Variants in PRELID2 observed in about 807,000 individuals in gnomAD.
The protein encoded by PRELID2 is PRELI domain containing 2.
PRELID2 carries 25 observed loss-of-function variants against 28.4 expected under a neutral mutation model. The ratio of observed to expected loss-of-function variants is 0.88; its 90% CI spans 0.64 to 1.23. The LOEUF (loss-of-function observed/expected upper bound fraction) is 1.23. Among genes scored for constraint, PRELID2 ranks in the 50% most tolerant of loss-of-function variants. PRELID2 has a pLI of 0.00. For synonymous variants in PRELID2, 76 were observed against 71.6 expected (o/e 1.06, Z -0.31); for missense variants, 201 against 214.4 (o/e 0.94, Z 0.39).
At chr5:145,640,909 A>G (rs1464592096) in intron 1 of PRELID2, among the ~76,000 whole-genome samples, 1 of 152,204 alleles carries the variant, frequency 6.6e-6, no homozygotes, top group East Asian at 1.9e-4. Context: ...CAAGGGAGGA[A>G]GAAGGCCTGC....
the PRELID2 span, among the ~76,000 whole-genome samples, chr5:145,455,585 G>A: frequency 1.3e-5 from 2 of 152,186 alleles, no homozygotes; most frequent in East Asian, 1.9e-4. Context: ...AGCATGAAAT[G>A]TTTCTCCATT....
At chr5:145,557,773 G>A (rs945035143) in intron 1 of PRELID2, among the ~76,000 whole-genome samples, 5 of 152,166 alleles carry the variant, frequency 3.3e-5, no homozygotes, top group African/African-American at 1.2e-4. Flanking sequence ...GAAAACTGAG[G>A]CCTGCCCAAG....
At chr5:145,727,590 T>C (rs1315471957) in intron 1 of PRELID2, among the ~76,000 whole-genome samples, 1 of 152,214 alleles carries the variant, frequency 6.6e-6, no homozygotes, top group Non-Finnish European at 1.5e-5. Flanking sequence ...TCTTCAGAGG[T>C]GGCTTCTGCA....
the PRELID2 span, among the ~76,000 whole-genome samples, chr5:145,262,906 T>A: frequency 6.6e-6 from 1 of 152,216 alleles, no homozygotes; most frequent in East Asian, 1.9e-4. Context: ...GCATAATGCA[T>A]AAAAACCACT....
chr5:145,280,596 A>G, the PRELID2 span, among the ~76,000 whole-genome samples: 1 of 152,072 alleles, frequency 6.6e-6, no homozygotes, highest in East Asian at 1.9e-4. Context: ...GCACATGTAT[A>G]CACATGTAAC....
At chr5:145,760,714 C>T (rs2149762741) in intron 6 of PRELID2, among the ~76,000 whole-genome samples, 189 bp from the exon 7 acceptor site, 1 of 152,230 alleles carries the variant, frequency 6.6e-6, no homozygotes, top group South Asian at 2.1e-4. Context: ...TTATTAAGTC[C>T]AACTACCCAA....
At chr5:145,705,096 C>T (rs1047565178) in intron 1 of PRELID2, among the ~76,000 whole-genome samples, 2 of 152,094 alleles carry the variant, frequency 1.3e-5, no homozygotes, top group Admixed American at 1.3e-4. Flanking sequence ...GTCTAACTCA[C>T]TCGGAGGGTC....
At position 145,689,950 on chromosome 5, in the gene PRELID2, C is replaced by T. The variant is rs147272369; in HGVS notation, n.70+74981G>A. 1.2e-4 allele frequency among the ~76,000 whole-genome samples: 18 copies of T among 151,462 alleles called. No homozygotes were observed. The East Asian group carries it at 3.1e-3, about 26-fold the overall frequency. On this transcript the variant is annotated intron_variant and non_coding_transcript_variant, in intron 1 of 2. Transcript: ENST00000510259. ...GGTAATCCTGGAATACTTTTAAGTG[C>T]CGTTCACCTTACTTCCAGTTTCCTT... is the stretch of plus-strand genomic sequence containing the variant.
the PRELID2 span, among the ~76,000 whole-genome samples, chr5:145,418,379 A>G: frequency 6.6e-6 from 1 of 151,462 alleles, no homozygotes; most frequent in Non-Finnish European, 1.5e-5. Flanking sequence ...ACAGAATTAG[A>G]AAAAAAACTA....
chr5:145,467,790 G>A (rs1006714729), downstream of PRELID2, among the ~76,000 whole-genome samples: 1 of 151,384 alleles, frequency 6.6e-6, no homozygotes, highest in South Asian at 2.1e-4. Flanking sequence ...CTTACAGGTG[G>A]TATCAAACTA....
intron 1 of PRELID2, among the ~76,000 whole-genome samples, chr5:145,516,839 C>A (rs888821815): frequency 2.0e-5 from 3 of 152,150 alleles, no homozygotes; most frequent in African/African-American, 7.2e-5. Flanking sequence ...TGCCACACAT[C>A]TACACCCATC....
chr5:145,414,526 T>G, the PRELID2 span, among the ~76,000 whole-genome samples: 173 of 152,368 alleles, frequency 1.1e-3, 1 homozygote, highest in Non-Finnish European at 2.2e-3. Context: ...ACACTTTTCT[T>G]TCTTTTTCAA....
chr5:145,332,046 T>C, the PRELID2 span, among the ~76,000 whole-genome samples: 7 of 152,220 alleles, frequency 4.6e-5, no homozygotes, highest in East Asian at 5.8e-4. Flanking sequence ...TTTGGCTAGA[T>C]ACGAAATTCT....
At chr5:145,252,646 A>C in the PRELID2 span, among the ~76,000 whole-genome samples, 1 of 152,064 alleles carries the variant, frequency 6.6e-6, no homozygotes, top group Non-Finnish European at 1.5e-5. Context: ...ACATATGTGC[A>C]TTTTTGGTGA....
chr5:145,660,058 G>A (rs1004023447), intron 1 of PRELID2, among the ~76,000 whole-genome samples: 3 of 152,086 alleles, frequency 2.0e-5, no homozygotes, highest in African/African-American at 7.2e-5. Flanking sequence ...TTTCACCTCT[G>A]CTTATAAAAT....
intron 1 of PRELID2, among the ~76,000 whole-genome samples, chr5:145,506,712 G>T (rs1199895504): frequency 1.3e-5 from 2 of 152,154 alleles, no homozygotes; most frequent in African/African-American, 2.4e-5. Context: ...GGCAAATGGG[G>T]TAGATATATA....
intron 2 of PRELID2, among the ~76,000 whole-genome samples, chr5:145,821,311 ATGTGTGTAAGCCCTCTTCTGTGTATG>A (rs1754808866): frequency 7.7e-6 from 1 of 129,424 alleles, no homozygotes; most frequent in Non-Finnish European, 1.6e-5. Flanking sequence ...GTGTGTGTGT[ATGTGTGTAAGCCCTCTTCTGTGTATG>A]TGTGTGTAAG....
the PRELID2 span, among the ~76,000 whole-genome samples, chr5:145,374,658 T>A: frequency 6.6e-6 from 1 of 152,136 alleles, no homozygotes; most frequent in African/African-American, 2.4e-5. Flanking sequence ...GTCTCATATT[T>A]CTTGGAGGCT....
chr5:145,803,408 C>CAA (rs1285516959), intron 4 of PRELID2, among the ~76,000 whole-genome samples: 1 of 151,832 alleles, frequency 6.6e-6, no homozygotes, highest in African/African-American at 2.4e-5. Flanking sequence ...TAAAATCACA[C>CAA]ACACACACAC....
Sources: allele counts gnomAD v4.1 joint callset (sites outside exome capture counted in the v4.1 genomes callset), GRCh38; gene constraint gnomAD v4.1.1; transcripts MANE v1.5; gene names NCBI Gene and HGNC (gene_info 2026-07-23, HGNC 2026-07-21).